Variants in TAS2R1 observed in about 807,000 individuals in gnomAD.
The protein encoded by TAS2R1 is taste receptor type 2 member 1.
For missense variants in TAS2R1, 370 were observed against 353.4 expected, an observed-to-expected ratio of 1.05 and a Z score of -0.38; for synonymous variants, 141 against 134.2, an observed-to-expected ratio of 1.05 and a Z score of -0.35.
At chr5:9,823,522 G>C in the TAS2R1 span, among the ~76,000 whole-genome samples, 4 of 142,840 alleles carry the variant, frequency 2.8e-5, no homozygotes, top group African/African-American at 7.9e-5. Flanking sequence ...GGAGGGAAGG[G>C]AAGGGAAGGG....
At chr5:9,887,723 G>A in the TAS2R1 span, among the ~76,000 whole-genome samples, 7 of 152,184 alleles carry the variant, frequency 4.6e-5, no homozygotes, top group Non-Finnish European at 7.3e-5. Context: ...CCCTGTCCTC[G>A]AGGAGCTCAC....
intron 1 of TAS2R1, among the ~76,000 whole-genome samples, chr5:9,665,334 A>T (rs1244942519): frequency 6.6e-6 from 1 of 152,212 alleles, no homozygotes; most frequent in Non-Finnish European, 1.5e-5. Context: ...TCATCTCGAA[A>T]TCAACTGATT....
At chr5:9,714,833 C>T (rs1044984648), upstream of TAS2R1, among the ~76,000 whole-genome samples, 1 of 152,232 alleles carries the variant, frequency 6.6e-6, no homozygotes, top group South Asian at 2.1e-4. Context: ...CTGTGTCTAG[C>T]ATGATACATG....
chr5:9,808,351 TGAG>T, the TAS2R1 span, among the ~76,000 whole-genome samples: 3 of 152,018 alleles, frequency 2.0e-5, no homozygotes, highest in Admixed American at 6.6e-5. Flanking sequence ...GCTATTTAGC[TGAG>T]GAGATTTCTG....
the TAS2R1 span, among the ~76,000 whole-genome samples, chr5:9,855,509 A>G: frequency 1.3e-5 from 2 of 152,220 alleles, no homozygotes; most frequent in Non-Finnish European, 2.9e-5. Context: ...GCGTGCACAC[A>G]TGAGTGCATG....
At chr5:9,824,054 C>T in the TAS2R1 span, among the ~76,000 whole-genome samples, 1 of 152,158 alleles carries the variant, frequency 6.6e-6, no homozygotes, top group African/African-American at 2.4e-5. Flanking sequence ...AAAGGAACTG[C>T]CCACCCAGCA....
chr5:9,706,280 AG>A (rs2126529498), intron 1 of TAS2R1, among the ~76,000 whole-genome samples: 1 of 152,300 alleles, frequency 6.6e-6, no homozygotes, highest in Non-Finnish European at 1.5e-5. Flanking sequence ...GAAGGGAGGA[AG>A]TAGAGCCCTG....
the TAS2R1 span, among the ~76,000 whole-genome samples, chr5:9,891,758 C>A: frequency 1.3e-5 from 2 of 152,202 alleles, no homozygotes; most frequent in Non-Finnish European, 2.9e-5. Context: ...GTATTACACC[C>A]AGTACCCATC....
the TAS2R1 span, among the ~76,000 whole-genome samples, chr5:9,761,941 G>A: frequency 1.3e-5 from 2 of 152,156 alleles, no homozygotes; most frequent in Admixed American, 6.5e-5. Context: ...GACTCCTCAG[G>A]AGAGATGCAG....
intron 2 of TAS2R1, among the ~76,000 whole-genome samples, chr5:9,644,696 G>A (rs1356171997): frequency 1.3e-5 from 2 of 152,184 alleles, no homozygotes; most frequent in Non-Finnish European, 2.9e-5. Context: ...TTAAGATTAT[G>A]TAGGGATGAG....
chr5:9,903,159 C>T, the TAS2R1 span, among the ~76,000 whole-genome samples: 1 of 152,088 alleles, frequency 6.6e-6, no homozygotes, highest in South Asian at 2.1e-4. Flanking sequence ...CCACCTTGTT[C>T]TGCTATCAAA....
the TAS2R1 span, among the ~76,000 whole-genome samples, chr5:9,723,828 GT>G: frequency 3.5e-4 from 53 of 152,358 alleles, no homozygotes; most frequent in South Asian, 6.2e-4. Context: ...TGCTCTCTTA[GT>G]CCTGGGAGGA....
chr5:9,679,116 C>T lies in TAS2R1; in HGVS notation c.-241-19535G>A, dbSNP rs200555632. 5.3e-5 allele frequency among the ~76,000 whole-genome samples: 8 copies of T among 152,250 alleles called. No homozygotes were observed. In the East Asian group the frequency reaches 1.2e-3, roughly 22 times the overall value. On this transcript the variant is annotated intron_variant, in intron 1 of 2. Coordinates refer to the TAS2R1 transcript ENST00000506620. ...GAAATGAGCCAAACTGCAAATGCTA[C>T]ATCGTGTATGATTCCAAATACACGA...
chr5:9,902,092 G>A, the TAS2R1 span, among the ~76,000 whole-genome samples: 2 of 152,072 alleles, frequency 1.3e-5, no homozygotes, highest in South Asian at 2.1e-4. Context: ...TGACACCTGG[G>A]GTAAGCCAGT....
chr5:9,726,196 G>A, the TAS2R1 span, among the ~76,000 whole-genome samples: 3 of 152,142 alleles, frequency 2.0e-5, no homozygotes, highest in African/African-American at 4.8e-5. Flanking sequence ...CTACCTCAGG[G>A]TTTGTGAATG....
chr5:9,903,630 A>C, the TAS2R1 span: 1 of 152,176 alleles, frequency 6.6e-6, no homozygotes, highest in African/African-American at 2.4e-5. Flanking sequence ...GCCACCCAAC[A>C]GACCTACCAG....
chr5:9,695,894 T>A (rs1241318906), intron 1 of TAS2R1, among the ~76,000 whole-genome samples: 1 of 152,158 alleles, frequency 6.6e-6, no homozygotes, highest in Non-Finnish European at 1.5e-5. Context: ...ATAAAATTTG[T>A]TTTTAATGTG....
chr5:9,893,950 G>A, the TAS2R1 span, among the ~76,000 whole-genome samples: 6 of 152,186 alleles, frequency 3.9e-5, no homozygotes, highest in African/African-American at 1.4e-4. Context: ...GATAAAAAGT[G>A]AATATATGTT....
the TAS2R1 span, among the ~76,000 whole-genome samples, chr5:9,803,207 T>A: frequency 6.6e-6 from 1 of 152,286 alleles, no homozygotes; most frequent in East Asian, 1.9e-4. Context: ...AAAAGAATTT[T>A]AAAAAATGGA....
Sources: gnomAD v4.1 joint callset for allele counts (sites outside exome capture counted in the v4.1 genomes callset) on GRCh38, gnomAD v4.1.1 for gene constraint, MANE v1.5 for transcripts, NCBI Gene and HGNC (gene_info 2026-07-23, HGNC 2026-07-21) for gene names.